Variants in TET1 observed in about 807,000 individuals in gnomAD.
TET1 encodes methylcytosine dioxygenase TET1.
TET1 carries 13 observed loss-of-function variants against 148.7 expected under a neutral mutation model. That is an observed-to-expected ratio of 0.09 (90% confidence interval 0.06 to 0.14). The LOEUF (loss-of-function observed/expected upper bound fraction) is 0.14. Among genes scored for constraint, TET1 ranks in the 10% least tolerant of loss-of-function variants. The pLI, the probability that TET1 is intolerant of heterozygous loss-of-function variation, is 1.00. For synonymous variants in TET1, 907 were observed against 937.2 expected (o/e 0.97, Z 0.59); for missense variants, 2,182 against 2,553.8 (o/e 0.85, Z 3.14).
At chr10:68,595,947 T>TACAC (rs1564958808) in intron 2 of TET1, among the ~76,000 whole-genome samples, 37 of 43,416 alleles carry the variant, frequency 8.5e-4, no homozygotes, top group South Asian at 2.0e-3. Flanking sequence ...TATATATATA[T>TACAC]ATATATATAT....
chr10:68,635,812 C>T (rs989150367), intron 3 of TET1, among the ~76,000 whole-genome samples: 5 of 152,020 alleles, frequency 3.3e-5, no homozygotes, highest in East Asian at 1.9e-4. Flanking sequence ...GGCAACAAAC[C>T]GAGACTCAGT....
chr10:68,628,292 A>G (rs2054518758), intron 3 of TET1, among the ~76,000 whole-genome samples: 1 of 152,236 alleles, frequency 6.6e-6, no homozygotes, highest in Non-Finnish European at 1.5e-5. Flanking sequence ...AGAATGCAAT[A>G]AAGGCCACTA....
At chr10:68,605,992 C>T (rs1400706737) in intron 3 of TET1, among the ~76,000 whole-genome samples, 1 of 152,258 alleles carries the variant, frequency 6.6e-6, no homozygotes, top group East Asian at 1.9e-4. Context: ...TCCTGAGTAG[C>T]TAGGATTACA....
At position 68,691,354 on chromosome 10, in the gene TET1, A is replaced by C; in HGVS notation, c.5951A>C (p.Glu1984Ala). 1 of 1,614,178 alleles carries C rather than the reference A, an allele frequency of 6.2e-7. No individual in the cohort carries two copies. Among genetic ancestry groups the C allele is most frequent in the Non-Finnish European group, 8.5e-7 (1 of 1,180,024 alleles). The change falls in exon 12 of 12, where the codon GAG becomes GCG. Residue 1984 changes from glutamate (E) to alanine (A), a missense_variant. Coordinates refer to ENST00000373644, the MANE Select transcript of TET1 (RefSeq NM_030625.3). This position sits in a 1 kb window ranked among gnomAD's most constrained non-coding sequence, Gnocchi z 4.4. ...PLSDDPLSPA[E>A]EKLPHIDEYW... ...TCTGATGACCCCCTGTCACCTGCTG[A>C]GGAGAAATTGCCCCACATTGATGAG... is the stretch of plus-strand genomic sequence containing the variant.
At chr10:68,689,571 A>G (rs2055562456) in intron 11 of TET1, among the ~76,000 whole-genome samples, 1 of 151,576 alleles carries the variant, frequency 6.6e-6, no homozygotes, top group Non-Finnish European at 1.5e-5. Context: ...CGTGGTGGAG[A>G]TTGAGACCAT....
chr10:68,632,171 A>C (rs781024152), intron 3 of TET1, among the ~76,000 whole-genome samples: 13 of 151,812 alleles, frequency 8.6e-5, no homozygotes, highest in Non-Finnish European at 1.8e-4. Context: ...AATACAAAAA[A>C]ATTAGCGGGG....
intron 3 of TET1, chr10:68,632,695 G>A (rs974526012): frequency 6.2e-7 from 1 of 1,609,346 alleles, no homozygotes; most frequent in African/African-American, 1.3e-5. Flanking sequence ...CCTCGATCCT[G>A]AAAGAAAACA....
intron 11 of TET1, 68 bp from the exon 12 acceptor site, chr10:68,690,740 A>G: frequency 1.4e-6 from 2 of 1,457,528 alleles, no homozygotes; most frequent in Non-Finnish European, 9.2e-7. Flanking sequence ...CTTTGAAAAT[A>G]CTTTTTAAAA....
Position 68,691,365 on chromosome 10 carries a change from C to G in TET1, c.5962C>G (p.Pro1988Ala). 6.2e-7 allele frequency: 1 copy of G among 1,614,128 alleles called. No homozygotes were observed. The highest frequency in any genetic ancestry group is 8.5e-7 in the Non-Finnish European group (1 of 1,180,036). ...DPLSPAEEKL[P>A]HIDEYWSDSE... ...CCTGTCACCTGCTGAGGAGAAATTGCCCCACATTGATGAGTATTGGTCAGA... is the reference window on the plus strand; with the variant it reads ...CCTGTCACCTGCTGAGGAGAAATTGGCCCACATTGATGAGTATTGGTCAGA... The change falls in exon 12 of 12, where the codon CCC (proline) becomes GCC (alanine). Residue 1988 changes from proline to alanine, a missense_variant. Transcript: ENST00000373644. This position sits in a 1 kb window ranked among gnomAD's most constrained non-coding sequence, Gnocchi z 4.4.
At chr10:68,636,187 G>C (rs948093779) in intron 3 of TET1, among the ~76,000 whole-genome samples, 1 of 152,106 alleles carries the variant, frequency 6.6e-6, no homozygotes, top group Non-Finnish European at 1.5e-5. Flanking sequence ...CAAAGAAAAA[G>C]GAAGATAGCC....
intron 3 of TET1, among the ~76,000 whole-genome samples, chr10:68,620,979 G>A (rs913150849): frequency 1.3e-5 from 2 of 152,072 alleles, no homozygotes; most frequent in Non-Finnish European, 2.9e-5. Context: ...TTTAAATTGC[G>A]CCATTTGACT....
At chr10:68,639,971 A>C (rs1201806736) in intron 3 of TET1, among the ~76,000 whole-genome samples, 3 of 152,186 alleles carry the variant, frequency 2.0e-5, no homozygotes, top group African/African-American at 2.4e-5. Context: ...CCTGTCGCCC[A>C]GGCTGGAGTG....
chr10:68,632,614 G>A, intron 3 of TET1: 1 of 1,584,044 alleles, frequency 6.3e-7, no homozygotes, highest in South Asian at 1.1e-5. Flanking sequence ...GTATAATTAT[G>A]CAAGGCAAAG....
At chr10:68,570,279 A>G (rs1369370982) in intron 1 of TET1, among the ~76,000 whole-genome samples, 4 of 151,186 alleles carry the variant, frequency 2.6e-5, no homozygotes, top group African/African-American at 9.7e-5. Context: ...TAATTTTTGT[A>G]TTTTTGGTAG....
At chr10:68,599,806 T>C (rs2054031406) in intron 2 of TET1, among the ~76,000 whole-genome samples, 3 of 152,156 alleles carry the variant, frequency 2.0e-5, no homozygotes, top group Admixed American at 6.5e-5. Flanking sequence ...ATTTTCCTTC[T>C]CGTAGGGGAG....
rs147704664 is a variant in TET1 at position 68,667,092 on chromosome 10, G to T, written c.4509G>T (p.Arg1503=). ...AAGAAAAAGTTCTTTGTTTGGTCCG[G>T]CAGCGTACAGGCCACCACTGTCCAA... ...SDEEKVLCLV[R]QRTGHHCPTA... Residue 1503 remains arginine, a synonymous_variant, in exon 7 of 12, where the codon CGG becomes CGT. Coordinates refer to ENST00000373644, the MANE Select transcript of TET1 (RefSeq NM_030625.3). 1.2e-6 allele frequency: 2 copies of T among 1,614,060 alleles called. No homozygotes were observed. Among genetic ancestry groups the T allele is most frequent in the East Asian group, 4.5e-5 (2 of 44,878 alleles).
intron 3 of TET1, among the ~76,000 whole-genome samples, chr10:68,629,265 TGA>T (rs2054533240): frequency 6.6e-6 from 1 of 151,844 alleles, no homozygotes; most frequent in Non-Finnish European, 1.5e-5. Context: ...CTTGGGAGGC[TGA>T]GAGAGGAGAA....
intron 1 of TET1, among the ~76,000 whole-genome samples, chr10:68,571,844 G>T (rs1358040546): frequency 2.0e-5 from 3 of 152,130 alleles, no homozygotes; most frequent in African/African-American, 7.2e-5. Context: ...AACTGGCCGG[G>T]CACGCTGGTT....
In TET1 at chr10:68,645,240, T is replaced by A. The variant is rs368145515; in HGVS notation, c.2511T>A (p.His837Gln). ...GCTTTAACTGCAGTTCCATTCCACATTCTTCACACTCCATCATAAATCATC... is the reference window on the plus strand; with the variant it reads ...GCTTTAACTGCAGTTCCATTCCACAATCTTCACACTCCATCATAAATCATC... ...QPGFNCSSIP[H>Q]SSHSIINHHA... The change falls in exon 4 of 12, where the codon CAT becomes CAA. Residue 837 changes from histidine to glutamine, a missense_variant. His to Gln is a conservative substitution (Grantham distance 24). This residue lies in a region of TET1 where 582 missense variants were observed against 599.5 expected (regional missense o/e 0.97). Coordinates refer to ENST00000373644, the MANE Select transcript of TET1 (RefSeq NM_030625.3). 4 of 1,613,964 alleles carry A rather than the reference T, an allele frequency of 2.5e-6. No homozygotes were observed. In the African/African-American group the frequency reaches 4.0e-5, roughly 16 times the overall value.
Sources: gnomAD v4.1 joint callset for allele counts (sites outside exome capture counted in the v4.1 genomes callset) on GRCh38, gnomAD v4.1.1 for gene constraint, gnomAD v4.1.1 regional missense constraint, Gnocchi (gnomAD v3.1) non-coding constraint, MANE v1.5 for transcripts, NCBI Gene and HGNC (gene_info 2026-07-23, HGNC 2026-07-21) for gene names.